Variants in ARHGEF10 observed in about 807,000 individuals in gnomAD.
The protein encoded by ARHGEF10 is Rho guanine nucleotide exchange factor 10.
Under a neutral mutation model 147.4 loss-of-function variants are expected in ARHGEF10, and 140 were observed. That is an observed-to-expected ratio of 0.95 (90% CI 0.83 to 1.09). The LOEUF is 1.09. Ranked by LOEUF, ARHGEF10 falls within the 50% of genes least tolerant of loss-of-function variation. The pLI is 0.00. For synonymous variants in ARHGEF10, 902 were observed against 695.8 expected, an observed-to-expected ratio of 1.30 and a Z score of -4.67; for missense variants, 2,222 against 1,752.7, an observed-to-expected ratio of 1.27 and a Z score of -4.78.
At chr8:1,859,699 C>T (rs1261916826) in intron 3 of ARHGEF10, among the ~76,000 whole-genome samples, 198 bp from the exon 4 acceptor site, 2 of 152,218 alleles carry the variant, frequency 1.3e-5, no homozygotes, top group Non-Finnish European at 2.9e-5. Context: ...ATCCGTCTCA[C>T]CTGTGCCCAG....
chr8:1,837,252 G>C (rs1345736566), intron 1 of ARHGEF10, among the ~76,000 whole-genome samples: 1 of 151,160 alleles, frequency 6.6e-6, no homozygotes, highest in Non-Finnish European at 1.5e-5. Flanking sequence ...GCTGTGCGGA[G>C]CCGCAGGACG....
intron 26 of ARHGEF10, among the ~76,000 whole-genome samples, chr8:1,944,602 A>T (rs993891495): frequency 6.6e-6 from 1 of 152,194 alleles, no homozygotes; most frequent in Non-Finnish European, 1.5e-5. Context: ...TAGGGCCAAG[A>T]TGTCAGTCTG....
At chr8:1,887,686 G>T (rs982544388) in intron 11 of ARHGEF10, among the ~76,000 whole-genome samples, 21 of 151,870 alleles carry the variant, frequency 1.4e-4, no homozygotes, top group African/African-American at 5.1e-4. Flanking sequence ...TGAGGGGTCT[G>T]TGAGGAGACA....
At chr8:1,911,356 G>A (rs1219586940) in intron 18 of ARHGEF10, among the ~76,000 whole-genome samples, 5 of 152,102 alleles carry the variant, frequency 3.3e-5, no homozygotes, top group Non-Finnish European at 7.3e-5. Context: ...TTTTCCATGG[G>A]ACATCTTTTT....
intron 7 of ARHGEF10, among the ~76,000 whole-genome samples, chr8:1,872,177 T>C (rs897477760): frequency 2.0e-5 from 3 of 152,060 alleles, no homozygotes; most frequent in African/African-American, 7.2e-5. Context: ...TATCAAAAAG[T>C]TAGATGAAAT....
rs766570885 is a variant in ARHGEF10 at position 1,860,017 on chromosome 8, C to T, written c.314C>T (p.Pro105Leu). The T allele has an allele frequency of 1.8e-5, 29 of 1,614,008 alleles. No homozygotes were observed. Among genetic ancestry groups the T allele is most frequent in the African/African-American group, 5.3e-5 (4 of 74,894 alleles). Residue 105 changes from proline (P) to leucine (L), a missense_variant, in exon 4 of 29, where the codon CCG (proline) becomes CTG (leucine). Pro to Leu is a moderately conservative substitution (Grantham distance 98). Coordinates refer to ENST00000349830, the MANE Select transcript of ARHGEF10 (RefSeq NM_014629.4). ...ATCACGCCATTCCAGGAGGACCAGC[C>T]GCCCACCCCCGTGCCCAGCGCTGAG... Reference protein sequence around the residue: ...IDITPFQEDQPPTPVPSAEEE... With the variant: ...IDITPFQEDQLPTPVPSAEEE...
intron 1 of ARHGEF10, among the ~76,000 whole-genome samples, chr8:1,835,694 A>T (rs1251140175): frequency 6.6e-6 from 1 of 152,190 alleles, no homozygotes; most frequent in Non-Finnish European, 1.5e-5. Context: ...CGGCACAGAC[A>T]GCACAATTGC....
chr8:1,866,683 T>TC (rs1269685322), intron 6 of ARHGEF10, 81 bp downstream of exon 6: 13 of 1,202,382 alleles, frequency 1.1e-5, no homozygotes, highest in Admixed American at 1.7e-5. Context: ...TCCCTGAGTC[T>TC]CAGGTCCCAT....
At chr8:1,940,173 A>G (rs984531999) in intron 26 of ARHGEF10, among the ~76,000 whole-genome samples, 1 of 152,194 alleles carries the variant, frequency 6.6e-6, no homozygotes, top group Non-Finnish European at 1.5e-5. Flanking sequence ...TTGCTCCTCT[A>G]TAGTCACACC....
rs1176617329 is a variant in ARHGEF10 at position 1,823,974 on chromosome 8, A to T, written c.-187A>T. 5.1e-5 allele frequency: 6 copies of T among 118,188 alleles called. No homozygotes were observed. Among genetic ancestry groups the T allele is most frequent in the African/African-American group, 2.1e-4 (6 of 28,934 alleles). 7.3% of individuals were successfully genotyped at this position (118,188 alleles called of 1,614,324 possible). On this transcript the variant is annotated 5_prime_UTR_variant, in exon 1 of 29. Transcript: ENST00000349830. ...CCGGCGGGCGCGCGATCCGGGACGG[A>T]CGGGGTCGCGGGGGACGCGGGGGAC...
At chr8:1,823,594 C>G (rs1802535106), upstream of ARHGEF10, among the ~76,000 whole-genome samples, 2 of 151,962 alleles carry the variant, frequency 1.3e-5, no homozygotes, top group African/African-American at 2.4e-5. Context: ...CGGGAGCAGG[C>G]TCTGCGGGGA....
At chr8:1,869,466 A>G (rs1806905560) in intron 7 of ARHGEF10, 1 of 675,566 alleles carries the variant, frequency 1.5e-6, no homozygotes, top group Admixed American at 2.1e-5. Context: ...GTTTAATCTT[A>G]CTTATCCCAA....
intron 1 of ARHGEF10, 36 bp from the exon 2 acceptor site, chr8:1,843,317 C>T (rs751436690): frequency 1.3e-6 from 2 of 1,560,720 alleles, no homozygotes; most frequent in African/African-American, 1.4e-5. Context: ...GTTTATCCAC[C>T]TGAACGGTGA....
chr8:1,885,162 C>G (rs1320998706), intron 10 of ARHGEF10, among the ~76,000 whole-genome samples: 2 of 152,166 alleles, frequency 1.3e-5, no homozygotes, highest in Non-Finnish European at 2.9e-5. Context: ...TAAGTGCCAC[C>G]TCAGTTTTCA....
In ARHGEF10 at chr8:1,957,501, C is replaced by A; in HGVS notation, c.*238C>A. ...GAAGGCAGAAGACTGATGCAATTTT[C>A]GAGTAATTGAGTGCAGTTCTGGGAA... On this transcript the variant is annotated 3_prime_UTR_variant, in exon 29 of 29. Coordinates refer to ENST00000349830, the MANE Select transcript of ARHGEF10 (RefSeq NM_014629.4). The A allele has an allele frequency of 1.6e-6, 1 of 624,232 alleles. No individual in the cohort carries two copies. Among genetic ancestry groups the A allele is most frequent in the Non-Finnish European group, 2.8e-6 (1 of 363,634 alleles). 38.7% of individuals were successfully genotyped at this position (624,232 alleles called of 1,614,324 possible). A position where few individuals can be genotyped will look rare whatever the true frequency, so the allele number is the denominator to read the frequency against.
At chr8:1,892,314 T>TGC (rs1809602850) in intron 11 of ARHGEF10, among the ~76,000 whole-genome samples, 1 of 150,458 alleles carries the variant, frequency 6.6e-6, no homozygotes, top group Non-Finnish European at 1.5e-5. Context: ...TGTGTGTGTG[T>TGC]GTGTGTGTGT....
chr8:1,913,953 G>A (rs1811566659), intron 18 of ARHGEF10, among the ~76,000 whole-genome samples: 1 of 152,146 alleles, frequency 6.6e-6, no homozygotes, highest in Non-Finnish European at 1.5e-5. Flanking sequence ...GCATAGAGAG[G>A]GGAACTTCCA....
At chr8:1,841,032 C>T (rs905743920) in intron 1 of ARHGEF10, among the ~76,000 whole-genome samples, 2 of 152,292 alleles carry the variant, frequency 1.3e-5, no homozygotes, top group East Asian at 1.9e-4. Flanking sequence ...CTCTCCCGGC[C>T]GGTGGGTGGA....
intron 28 of ARHGEF10, among the ~76,000 whole-genome samples, chr8:1,955,916 C>T (rs4876269): frequency 0.35 from 54,007 of 152,166 alleles, 10,039 homozygotes; most frequent in East Asian, 0.55. Flanking sequence ...GCTCCTGCTC[C>T]CTGCAGACTT....
Sources: gnomAD v4.1 joint callset for allele counts (sites outside exome capture counted in the v4.1 genomes callset) on GRCh38, gnomAD v4.1.1 for gene constraint, MANE v1.5 for transcripts, NCBI Gene and HGNC (gene_info 2026-07-23, HGNC 2026-07-21) for gene names.